The following SEMA3E variants were observed in gnomAD, a reference collection of about 807,000 sequenced individuals.
SEMA3E encodes the protein semaphorin 3E, also known as semaphorin-3E.
SEMA3E carries 49 observed loss-of-function variants against 93.6 expected under a neutral mutation model. The observed-to-expected ratio is 0.52, with a 90% CI of 0.42 to 0.66. SEMA3E has a LOEUF of 0.66. SEMA3E is among the 30% of genes least tolerant of loss of function. SEMA3E has a pLI of 0.00. For missense variants in SEMA3E, 906 were observed against 964.8 expected (o/e 0.94, Z 0.81); for synonymous variants, 363 against 330.7 (o/e 1.10, Z -1.06).
At chr7:83,510,767 A>G (rs1391476047) in intron 1 of SEMA3E, among the ~76,000 whole-genome samples, 3 of 152,196 alleles carry the variant, frequency 2.0e-5, no homozygotes, top group African/African-American at 4.8e-5. Flanking sequence ...TAAAAGCTAC[A>G]AAGCAAATGT....
intron 14 of SEMA3E, among the ~76,000 whole-genome samples, 156 bp from the exon 15 acceptor site, chr7:83,387,206 A>G (rs1158308925): frequency 6.6e-6 from 1 of 152,188 alleles, no homozygotes; most frequent in Admixed American, 6.6e-5. Flanking sequence ...ATAGTTTTTC[A>G]TATTTCCATT....
chr7:83,605,430 C>CT (rs750584910), intron 1 of SEMA3E, among the ~76,000 whole-genome samples: 6,256 of 147,008 alleles, frequency 0.043, 406 homozygotes, highest in African/African-American at 0.14. Context: ...TAAATGTCCT[C>CT]TCTTTTTTTT....
At chr7:83,412,484 G>C (rs989320793) in intron 5 of SEMA3E, among the ~76,000 whole-genome samples, 1 of 152,148 alleles carries the variant, frequency 6.6e-6, no homozygotes, top group Non-Finnish European at 1.5e-5. Flanking sequence ...AGTGATTCTC[G>C]CCTGTAATCC....
At chr7:83,611,255 A>G (rs1793248076) in intron 1 of SEMA3E, among the ~76,000 whole-genome samples, 4 of 144,162 alleles carry the variant, frequency 2.8e-5, no homozygotes, top group African/African-American at 1.0e-4. Context: ...ATATATTTAT[A>G]TATATTATAT....
intron 16 of SEMA3E, among the ~76,000 whole-genome samples, chr7:83,380,490 T>G (rs750309418): frequency 2.0e-5 from 3 of 151,904 alleles, no homozygotes; most frequent in Non-Finnish European, 4.4e-5. Context: ...ATGATTTACA[T>G]GTACCATATT....
intron 14 of SEMA3E, 23 bp from the exon 15 acceptor site, chr7:83,387,073 A>C: frequency 6.2e-7 from 1 of 1,608,452 alleles, no homozygotes; most frequent in Non-Finnish European, 8.5e-7. Context: ...AAATGCATTT[A>C]GATGTTCATT....
At chr7:83,591,996 C>T (rs2115948666) in intron 1 of SEMA3E, among the ~76,000 whole-genome samples, 1 of 151,902 alleles carries the variant, frequency 6.6e-6, no homozygotes, top group Admixed American at 6.6e-5. Flanking sequence ...CATAACATTG[C>T]CTTATAAGTG....
intron 2 of SEMA3E, among the ~76,000 whole-genome samples, chr7:83,487,848 T>A (rs1272025411): frequency 6.6e-6 from 1 of 152,028 alleles, no homozygotes; most frequent in Non-Finnish European, 1.5e-5. Flanking sequence ...ATGCAATATT[T>A]GCTTCTACTT....
chr7:83,449,458 T>G (rs1368227997), intron 4 of SEMA3E, among the ~76,000 whole-genome samples: 3 of 151,952 alleles, frequency 2.0e-5, no homozygotes, highest in African/African-American at 7.2e-5. Context: ...TATTCATTTT[T>G]TATATTTAAT....
At chr7:83,423,781 G>A (rs1788717374) in intron 4 of SEMA3E, among the ~76,000 whole-genome samples, 1 of 151,908 alleles carries the variant, frequency 6.6e-6, no homozygotes, top group South Asian at 2.1e-4. Context: ...AAAGTGCTGG[G>A]ATTACAGGCA....
intron 1 of SEMA3E, among the ~76,000 whole-genome samples, chr7:83,599,124 C>A (rs1001253883): frequency 1.3e-5 from 2 of 152,098 alleles, no homozygotes; most frequent in African/African-American, 4.8e-5. Context: ...AGATAAAGCT[C>A]TATGATTTTG....
intron 2 of SEMA3E, among the ~76,000 whole-genome samples, chr7:83,481,998 A>G (rs560915251): frequency 9.2e-4 from 140 of 152,272 alleles, no homozygotes; most frequent in African/African-American, 3.3e-3. Flanking sequence ...GAGAGTTTCA[A>G]AAAGTACCAC....
chr7:83,575,072 A>T (rs1348556990), intron 1 of SEMA3E, among the ~76,000 whole-genome samples: 1 of 152,126 alleles, frequency 6.6e-6, no homozygotes, highest in African/African-American at 2.4e-5. Flanking sequence ...TTTAGTTTAG[A>T]TGTTGGCTTC....
chr7:83,373,445 T>C (rs1794776970), intron 16 of SEMA3E, among the ~76,000 whole-genome samples: 1 of 152,056 alleles, frequency 6.6e-6, no homozygotes, highest in Non-Finnish European at 1.5e-5. Flanking sequence ...ACAGAAAATA[T>C]ACCTAATATG....
At chr7:83,431,512 T>G (rs1788883319) in intron 4 of SEMA3E, among the ~76,000 whole-genome samples, 3 of 152,142 alleles carry the variant, frequency 2.0e-5, no homozygotes. Flanking sequence ...TTCAAGCCAT[T>G]TTCCTGCCTC....
intron 1 of SEMA3E, among the ~76,000 whole-genome samples, chr7:83,556,835 C>T (rs1333281103): frequency 6.6e-6 from 1 of 152,104 alleles, no homozygotes; most frequent in Non-Finnish European, 1.5e-5. Context: ...GGATTCGAGC[C>T]TTACAAAAGG....
chr7:83,597,320 T>G (rs1309234094), intron 1 of SEMA3E, among the ~76,000 whole-genome samples: 2 of 152,148 alleles, frequency 1.3e-5, no homozygotes, highest in East Asian at 3.8e-4. Flanking sequence ...TCAGGCCTTA[T>G]GTCAAAAAAT....
At chr7:83,377,372 T>C (rs1787667879) in intron 16 of SEMA3E, among the ~76,000 whole-genome samples, 1 of 151,996 alleles carries the variant, frequency 6.6e-6, no homozygotes, top group Non-Finnish European at 1.5e-5. Context: ...AAAAACTTTT[T>C]CTGTAAAGAG....
intron 1 of SEMA3E, among the ~76,000 whole-genome samples, chr7:83,642,844 T>G (rs1336270926): frequency 6.6e-6 from 1 of 152,094 alleles, no homozygotes; most frequent in African/African-American, 2.4e-5. Context: ...AGTTTTGTTT[T>G]TAACTCTCAG....
Sources: gnomAD v4.1 joint callset for allele counts (sites outside exome capture counted in the v4.1 genomes callset) on GRCh38, gnomAD v4.1.1 for gene constraint, MANE v1.5 for transcripts, NCBI Gene and HGNC (gene_info 2026-07-23, HGNC 2026-07-21) for gene names.